The following SPMAP2L variants were observed in gnomAD, a reference collection of about 807,000 sequenced individuals.
SPMAP2L encodes the protein sperm microtubule associated protein 2 like, also known as sperm microtubule associated protein 2-like.
the SPMAP2L span, among the ~76,000 whole-genome samples, chr4:56,588,067 T>C: frequency 6.6e-6 from 1 of 152,210 alleles, no homozygotes; most frequent in African/African-American, 2.4e-5. Context: ...CCTTGATCAT[T>C]AGTGATGTTG....
the SPMAP2L span, among the ~76,000 whole-genome samples, chr4:56,537,301 C>G: frequency 6.6e-6 from 1 of 152,224 alleles, no homozygotes; most frequent in Non-Finnish European, 1.5e-5. Flanking sequence ...ACCACACTCA[C>G]TCAAGAGTTT....
the SPMAP2L span, among the ~76,000 whole-genome samples, chr4:56,597,079 G>A: frequency 4.6e-5 from 7 of 152,316 alleles, no homozygotes; most frequent in South Asian, 1.2e-3. Flanking sequence ...CTGTGGGGCA[G>A]GGTGGTAAGA....
At chr4:56,547,538 A>G in the SPMAP2L span, among the ~76,000 whole-genome samples, 1 of 152,134 alleles carries the variant, frequency 6.6e-6, no homozygotes, top group African/African-American at 2.4e-5. Context: ...GAGCCACTGC[A>G]CGAGGCTGTT....
the SPMAP2L span, among the ~76,000 whole-genome samples, chr4:56,587,923 A>G: frequency 7.2e-5 from 11 of 152,238 alleles, no homozygotes; most frequent in Admixed American, 1.3e-4. Flanking sequence ...GTACTAGTTT[A>G]CATTCCCACC....
At chr4:56,575,494 A>G in the SPMAP2L span, 1 of 1,533,538 alleles carries the variant, frequency 6.5e-7, no homozygotes, top group South Asian at 1.2e-5. Context: ...TTTCTCTTCT[A>G]CAACTTGCAG....
chr4:56,553,180 C>CTTTTTT, the SPMAP2L span, among the ~76,000 whole-genome samples: 2 of 30,012 alleles, frequency 6.7e-5, no homozygotes, highest in Non-Finnish European at 5.7e-5. Flanking sequence ...TCTCCTATTG[C>CTTTTTT]TTTTTTTTTT....
the SPMAP2L span, among the ~76,000 whole-genome samples, chr4:56,615,374 TC>T: frequency 1.3e-3 from 194 of 152,362 alleles, 2 homozygotes; most frequent in African/African-American, 3.7e-3. Context: ...TCTGTAGGTT[TC>T]TACGCTATGC....
the SPMAP2L span, chr4:56,595,166 C>A: frequency 6.2e-7 from 1 of 1,611,540 alleles, no homozygotes; most frequent in Non-Finnish European, 8.5e-7. Context: ...ATATTAAATG[C>A]CAACTACATG....
the SPMAP2L span, among the ~76,000 whole-genome samples, chr4:56,538,469 T>C: frequency 1.3e-5 from 2 of 152,216 alleles, no homozygotes; most frequent in African/African-American, 2.4e-5. Flanking sequence ...TGAAGTCACA[T>C]GGTCATGAGA....
the SPMAP2L span, among the ~76,000 whole-genome samples, chr4:56,531,396 G>T: frequency 6.6e-6 from 1 of 152,180 alleles, no homozygotes; most frequent in African/African-American, 2.4e-5. Context: ...GATAATGAGA[G>T]AAGCTGAATC....
chr4:56,620,082 G>T, the SPMAP2L span, among the ~76,000 whole-genome samples: 1 of 152,124 alleles, frequency 6.6e-6, no homozygotes, highest in Non-Finnish European at 1.5e-5. Flanking sequence ...TCTCTCACTG[G>T]GCATCCCTTC....
the SPMAP2L span, among the ~76,000 whole-genome samples, chr4:56,605,772 C>T: frequency 6.6e-6 from 1 of 152,158 alleles, no homozygotes; most frequent in Admixed American, 6.5e-5. Flanking sequence ...GGTACCAACA[C>T]CAACAACGTA....
At chr4:56,593,009 G>C in the SPMAP2L span, 1 of 1,599,556 alleles carries the variant, frequency 6.3e-7, no homozygotes, top group Non-Finnish European at 8.6e-7. Flanking sequence ...TGAAATCCTT[G>C]CAACTCTGCA....
the SPMAP2L span, among the ~76,000 whole-genome samples, chr4:56,537,754 G>A: frequency 1.3e-5 from 2 of 150,990 alleles, no homozygotes; most frequent in African/African-American, 4.9e-5. Flanking sequence ...GCAGTGGCGC[G>A]CGATCTCGGC....
the SPMAP2L span, among the ~76,000 whole-genome samples, chr4:56,597,361 C>G: frequency 1.3e-5 from 2 of 152,190 alleles, no homozygotes; most frequent in Non-Finnish European, 2.9e-5. Flanking sequence ...AGCCTGGAAC[C>G]TTTGATGGCT....
At chr4:56,552,054 G>A in the SPMAP2L span, among the ~76,000 whole-genome samples, 31 of 152,370 alleles carry the variant, frequency 2.0e-4, 1 homozygote, top group East Asian at 6.0e-3. Context: ...TCTCTCTGCT[G>A]CAAGTGGATT....
chr4:56,550,569 TTAAAA>T, the SPMAP2L span, among the ~76,000 whole-genome samples: 54 of 152,320 alleles, frequency 3.5e-4, no homozygotes, highest in Middle Eastern at 3.4e-3. Flanking sequence ...ACCACAGTAC[TTAAAA>T]TAAATAATGT....
the SPMAP2L span, among the ~76,000 whole-genome samples, chr4:56,550,933 A>G: frequency 6.8e-6 from 1 of 147,608 alleles, no homozygotes; most frequent in Admixed American, 7.0e-5. Flanking sequence ...AGCGTGGGGA[A>G]CATAGTGAGA....
the SPMAP2L span, among the ~76,000 whole-genome samples, chr4:56,614,903 A>G: frequency 6.6e-6 from 1 of 152,190 alleles, no homozygotes; most frequent in African/African-American, 2.4e-5. Flanking sequence ...CAGGCAGAAA[A>G]GGTACCTTAT....
Sources: allele counts gnomAD v4.1 joint callset (sites outside exome capture counted in the v4.1 genomes callset), GRCh38; gene constraint gnomAD v4.1.1; transcripts MANE v1.5; gene names NCBI Gene and HGNC (gene_info 2026-07-23, HGNC 2026-07-21).